The following MYO1D variants were observed in gnomAD, a reference collection of about 807,000 sequenced individuals.
The protein encoded by MYO1D is unconventional myosin-Id.
A neutral mutation model predicts 122.0 loss-of-function variants in MYO1D; 83 were observed. The ratio of observed to expected loss-of-function variants is 0.68; its 90% confidence interval spans 0.57 to 0.82. The LOEUF is 0.82. MYO1D is among the 40% of genes least tolerant of loss of function. The pLI, the probability that MYO1D is intolerant of heterozygous loss-of-function variation, is 0.00. For missense variants in MYO1D, 1,157 were observed against 1,269.5 expected, an observed-to-expected ratio of 0.91 and a Z score of 1.35; for synonymous variants, 464 against 446.9, an observed-to-expected ratio of 1.04 and a Z score of -0.48.
intron 20 of MYO1D, among the ~76,000 whole-genome samples, chr17:32,636,330 C>G (rs549765551): frequency 1.3e-5 from 2 of 152,284 alleles, no homozygotes; most frequent in African/African-American, 4.8e-5. Context: ...TTAGCATCAT[C>G]ATGTTTTAAA....
At position 32,832,599 on chromosome 17, in the gene MYO1D, CTAAT is replaced by C. The variant is rs1413262638; in HGVS notation, c.95+44175_95+44178del. ...AGGTGTGAGCCACTGGGCCCGGCTC[CTAAT>C]TATGTATTTTGCATTTGTTAAAATT... On this transcript the variant is annotated intron_variant, in intron 1 of 21. Transcript: ENST00000318217. Among the ~76,000 whole-genome samples, 4 of 151,988 alleles carry C rather than the reference CTAAT, an allele frequency of 2.6e-5. No homozygotes were observed. The East Asian group carries it at 5.8e-4, about 22-fold the overall frequency.
chr17:32,649,144 G>T (rs1389184073), intron 19 of MYO1D, among the ~76,000 whole-genome samples: 1 of 151,958 alleles, frequency 6.6e-6, no homozygotes, highest in Non-Finnish European at 1.5e-5. Flanking sequence ...CACTGTTTCT[G>T]TTTAAGTAGC....
intron 1 of MYO1D, among the ~76,000 whole-genome samples, chr17:32,801,749 A>G (rs2151043579): frequency 6.6e-6 from 1 of 152,352 alleles, no homozygotes; most frequent in East Asian, 1.9e-4. Context: ...TGTTTGTAAG[A>G]GCAATGACAC....
In MYO1D at chr17:32,503,251, CT is replaced by C. The variant is rs1056389458; in HGVS notation, c.2865-8337del. Reference sequence around the variant, plus strand: ...AAAACATCCCCTCCCATCCAGGCCCCTGGTCAGCTGGGCAGTGCAGGGTTTT... The same window carrying C: ...AAAACATCCCCTCCCATCCAGGCCCCGGTCAGCTGGGCAGTGCAGGGTTTT... On this transcript the variant is annotated intron_variant, in intron 21 of 21. Coordinates refer to ENST00000318217, the MANE Select transcript of MYO1D (RefSeq NM_015194.3). Among the ~76,000 whole-genome samples the C allele has an allele frequency of 9.2e-5, 14 of 152,334 alleles. 1 individual carries two copies. Among genetic ancestry groups the C allele is most frequent in the African/African-American group, 3.1e-4 (13 of 41,578 alleles).
intron 21 of MYO1D, among the ~76,000 whole-genome samples, chr17:32,600,362 C>A (rs888567989): frequency 6.6e-6 from 1 of 152,190 alleles, no homozygotes; most frequent in Non-Finnish European, 1.5e-5. Flanking sequence ...TCAGCCTGTC[C>A]TCTGAAGCTA....
At chr17:32,560,178 C>A (rs1375488818) in intron 21 of MYO1D, among the ~76,000 whole-genome samples, 3 of 152,086 alleles carry the variant, frequency 2.0e-5, no homozygotes, top group African/African-American at 7.2e-5. Context: ...CTGCTTGAAC[C>A]TGGGAGGCGG....
At chr17:32,515,706 C>A (rs140640564) in intron 21 of MYO1D, among the ~76,000 whole-genome samples, 79 of 152,308 alleles carry the variant, frequency 5.2e-4, no homozygotes, top group African/African-American at 1.9e-3. Flanking sequence ...ATCCAGGCAA[C>A]TATAATCCAC....
intron 20 of MYO1D, among the ~76,000 whole-genome samples, chr17:32,618,450 A>T (rs999292319): frequency 5.9e-5 from 9 of 152,086 alleles, no homozygotes; most frequent in African/African-American, 1.7e-4. Context: ...ATCAAACTTC[A>T]ATTTCTTCCC....
At chr17:32,775,449 CAT>C (rs1175304108) in intron 4 of MYO1D, among the ~76,000 whole-genome samples, 1 of 152,030 alleles carries the variant, frequency 6.6e-6, no homozygotes, top group African/African-American at 2.4e-5. Flanking sequence ...TCACAAAATA[CAT>C]ATATGTTACT....
chr17:32,589,100 T>C (rs1400464821), intron 21 of MYO1D, among the ~76,000 whole-genome samples: 1 of 152,250 alleles, frequency 6.6e-6, no homozygotes, highest in Non-Finnish European at 1.5e-5. Context: ...GAACTGCATA[T>C]TTGTGAACTG....
chr17:32,821,541 TACACACACACACACACACAC>T (rs34745639), intron 1 of MYO1D, among the ~76,000 whole-genome samples: 4 of 131,090 alleles, frequency 3.1e-5, no homozygotes, highest in Non-Finnish European at 7.2e-5. Context: ...AAATCACACA[TACACACACACACACACACAC>T]ACACACATCT....
At chr17:32,865,618 TTTTA>T (rs2091117006) in intron 1 of MYO1D, among the ~76,000 whole-genome samples, 1 of 152,238 alleles carries the variant, frequency 6.6e-6, no homozygotes, top group African/African-American at 2.4e-5. Flanking sequence ...TAAACAATCT[TTTTA>T]TTAAAGCAGA....
chr17:32,830,580 T>G (rs187468124), intron 1 of MYO1D, among the ~76,000 whole-genome samples: 112 of 152,350 alleles, frequency 7.4e-4, no homozygotes, highest in African/African-American at 2.6e-3. Flanking sequence ...AGTGTTGTAC[T>G]GCTCAGTGGT....
chr17:32,720,941 TA>T, intron 15 of MYO1D, 81 bp downstream of exon 15: 1 of 1,330,760 alleles, frequency 7.5e-7, no homozygotes, highest in Non-Finnish European at 1.0e-6. Context: ...ATAGATTGCC[TA>T]ATATGTGCTG....
At chr17:32,737,056 T>C (rs1018158165) in intron 14 of MYO1D, among the ~76,000 whole-genome samples, 17 of 152,230 alleles carry the variant, frequency 1.1e-4, no homozygotes, top group African/African-American at 4.1e-4. Context: ...CCTGTGGCAT[T>C]TGCCTAATTT....
intron 20 of MYO1D, among the ~76,000 whole-genome samples, chr17:32,635,553 C>T (rs1046973377): frequency 3.9e-5 from 6 of 152,078 alleles, no homozygotes; most frequent in Admixed American, 3.9e-4. Flanking sequence ...ATTAGCTGGG[C>T]ACGGTGGCAG....
At chr17:32,776,274 T>C (rs2090171528) in intron 3 of MYO1D, among the ~76,000 whole-genome samples, 1 of 152,214 alleles carries the variant, frequency 6.6e-6, no homozygotes. Context: ...CAATATGTAC[T>C]CACATGGAAA....
In MYO1D at chr17:32,863,142, G is replaced by GT. The variant is rs145053288; in HGVS notation, c.95+13635dup. The GT allele has an allele frequency of 2.8e-3, 419 of 152,288 alleles. 4 individuals are homozygous for GT. The highest frequency in any genetic ancestry group is 8.7e-3 in the African/African-American group (362 of 41,544). 9.4% of individuals were successfully genotyped at this position (152,288 alleles called of 1,614,324 possible). On this transcript the variant is annotated intron_variant, in intron 1 of 21. Transcript: ENST00000318217. Reference sequence around the variant, plus strand: ...TGCCAATAGCAGCTGCCTACCACAAGTCAACAAGCAGTCATAAATTGCACA... The same window carrying GT: ...TGCCAATAGCAGCTGCCTACCACAAGTTCAACAAGCAGTCATAAATTGCACA...
chr17:32,842,209 CA>C (rs894156819), intron 1 of MYO1D, among the ~76,000 whole-genome samples: 211 of 152,150 alleles, frequency 1.4e-3, no homozygotes, highest in African/African-American at 4.9e-3. Flanking sequence ...ACTGGGAAGA[CA>C]GGGATACAAT....
Sources: gnomAD v4.1 joint callset for allele counts (sites outside exome capture counted in the v4.1 genomes callset) on GRCh38, gnomAD v4.1.1 for gene constraint, MANE v1.5 for transcripts, NCBI Gene and HGNC (gene_info 2026-07-23, HGNC 2026-07-21) for gene names.